Variants in CNGB3 observed in about 807,000 individuals in gnomAD.
CNGB3 encodes the protein cyclic nucleotide gated channel subunit beta 3.
In CNGB3, 86 loss-of-function variants were observed where a neutral mutation model predicts 92.8. The observed-to-expected ratio is 0.93, with a 90% confidence interval of 0.78 to 1.11. The LOEUF (loss-of-function observed/expected upper bound fraction) is 1.11. Among genes scored for constraint, CNGB3 ranks in the 50% least tolerant of loss-of-function variants. The pLI is 0.00. For synonymous variants in CNGB3, 333 were observed against 332.7 expected, an observed-to-expected ratio of 1.00 and a Z score of -0.01; for missense variants, 1,026 against 956.8, an observed-to-expected ratio of 1.07 and a Z score of -0.95.
chr8:86,722,713 G>A (rs1352011428), intron 3 of CNGB3, among the ~76,000 whole-genome samples: 2 of 152,212 alleles, frequency 1.3e-5, no homozygotes, highest in Non-Finnish European at 2.9e-5. Context: ...TCTCCTGAGA[G>A]AAAGAGGGCA....
chr8:86,724,042 G>A (rs1046213576), intron 3 of CNGB3, among the ~76,000 whole-genome samples: 37 of 152,230 alleles, frequency 2.4e-4, no homozygotes, highest in African/African-American at 8.9e-4. Context: ...ATGACCGGAG[G>A]GAGGAGGCTG....
At chr8:86,722,901 C>T (rs315960) in intron 3 of CNGB3, among the ~76,000 whole-genome samples, 135,664 of 152,178 alleles carry the variant, frequency 0.89, 60,769 homozygotes, top group East Asian at 1. Flanking sequence ...TTGGCTTTCC[C>T]GGGTCTCTAG....
chr8:86,599,622 G>A (rs1209892687), intron 15 of CNGB3, among the ~76,000 whole-genome samples: 2 of 152,158 alleles, frequency 1.3e-5, no homozygotes, highest in Non-Finnish European at 2.9e-5. Flanking sequence ...GGCCACCTTG[G>A]GGGCGGCTGT....
At chr8:86,706,358 G>A (rs1189928655) in intron 3 of CNGB3, among the ~76,000 whole-genome samples, 1 of 152,228 alleles carries the variant, frequency 6.6e-6, no homozygotes, top group Admixed American at 6.5e-5. Flanking sequence ...AACACATGTT[G>A]GTACGGTTTA....
chr8:86,682,204 C>T (rs1824095529), intron 3 of CNGB3, among the ~76,000 whole-genome samples: 1 of 152,104 alleles, frequency 6.6e-6, no homozygotes, highest in African/African-American at 2.4e-5. Flanking sequence ...ACAGGTCGGG[C>T]TGTGGGCCTA....
At chr8:86,735,162 A>ATTTTTTTT (rs1193109361) in intron 2 of CNGB3, among the ~76,000 whole-genome samples, 1 of 1,274 alleles carries the variant, frequency 7.8e-4, no homozygotes, top group African/African-American at 3.5e-3. Context: ...TTTTTTTTTG[A>ATTTTTTTT]GACAGAGTCT....
chr8:86,590,162 C>T (rs1821995355), intron 15 of CNGB3, among the ~76,000 whole-genome samples: 1 of 151,840 alleles, frequency 6.6e-6, no homozygotes, highest in South Asian at 2.1e-4. Context: ...GGATTGCAAC[C>T]CCTGCCTTTT....
intron 3 of CNGB3, among the ~76,000 whole-genome samples, chr8:86,694,569 C>T (rs2131641661): frequency 6.6e-6 from 1 of 151,700 alleles, no homozygotes; most frequent in African/African-American, 2.4e-5. Flanking sequence ...CATAGGGTCT[C>T]CTCACTTCTC....
At chr8:86,623,093 TTC>T (rs1822773305) in intron 13 of CNGB3, among the ~76,000 whole-genome samples, 2 of 152,218 alleles carry the variant, frequency 1.3e-5, no homozygotes, top group Non-Finnish European at 2.9e-5. Context: ...AGACATATCC[TTC>T]TGTCTGGATT....
At chr8:86,718,588 T>A (rs1824908583) in intron 3 of CNGB3, among the ~76,000 whole-genome samples, 1 of 152,122 alleles carries the variant, frequency 6.6e-6, no homozygotes, top group African/African-American at 2.4e-5. Context: ...CTATCAGACA[T>A]TCAAAGAAGA....
chr8:86,691,235 C>T (rs1824305521), intron 3 of CNGB3, among the ~76,000 whole-genome samples: 1 of 152,078 alleles, frequency 6.6e-6, no homozygotes. Flanking sequence ...TAATCTGAAA[C>T]TTTACTGAAT....
At chr8:86,579,015 T>C in intron 16 of CNGB3, 91 bp downstream of exon 16, 2 of 1,574,184 alleles carry the variant, frequency 1.3e-6, no homozygotes, top group South Asian at 1.1e-5. Context: ...GTGATCAAGT[T>C]TATCACAATC....
At chr8:86,653,913 T>C in intron 7 of CNGB3, 99 bp downstream of exon 7, 1 of 836,652 alleles carries the variant, frequency 1.2e-6, no homozygotes, top group South Asian at 1.4e-5. Flanking sequence ...TAATAAAACT[T>C]CGTATGTACA....
At chr8:86,585,820 CA>C (rs1690406209) in intron 15 of CNGB3, among the ~76,000 whole-genome samples, 1 of 152,056 alleles carries the variant, frequency 6.6e-6, no homozygotes, top group African/African-American at 2.4e-5. Context: ...ATAGAGCCCC[CA>C]GTAAAGGCTA....
chr8:86,720,057 T>G (rs910197771), intron 3 of CNGB3, among the ~76,000 whole-genome samples: 1 of 151,920 alleles, frequency 6.6e-6, no homozygotes, highest in Non-Finnish European at 1.5e-5. Context: ...GACAATAACA[T>G]CAGAAAAACC....
chr8:86,597,995 TAAAA>T lies in CNGB3; in HGVS notation c.1781+6094_1781+6097del, dbSNP rs1209465890. 5.9e-3 allele frequency among the ~76,000 whole-genome samples: 887 copies of T among 150,998 alleles called. 7 individuals carry two copies. The highest frequency in any genetic ancestry group is 0.02 in the African/African-American group (823 of 41,030). On this transcript the variant is annotated intron_variant, in intron 15 of 17. Transcript: ENST00000320005. The stretch of plus-strand genomic sequence containing the variant: ...TTCATCTCAAATAAATAAAATAAAA[TAAAA>T]TAAAATAAAATTAAAATAAAATAAA...
chr8:86,610,127 T>C (rs867230242), intron 14 of CNGB3, among the ~76,000 whole-genome samples: 3 of 152,204 alleles, frequency 2.0e-5, no homozygotes, highest in Non-Finnish European at 4.4e-5. Flanking sequence ...TACTGGTATA[T>C]GGCCTCCATC....
intron 3 of CNGB3, among the ~76,000 whole-genome samples, chr8:86,693,193 T>A (rs996405523): frequency 6.6e-6 from 1 of 152,152 alleles, no homozygotes; most frequent in Non-Finnish European, 1.5e-5. Flanking sequence ...GACAACCTGA[T>A]GACTGTGTGC....
Position 86,629,130 on chromosome 8 carries a change from A to T in CNGB3, c.1321-52T>A, listed in dbSNP as rs773166324. On this transcript the variant is annotated intron_variant, in intron 11 of 17. Transcript: ENST00000320005. ...CGCCCAGCAGAGGAAATGAGTTAAT[A>T]AAAGTCAAATTACATGTTTTCCACA... is the stretch of plus-strand genomic sequence containing the variant. The T allele has an allele frequency of 1.9e-6, 3 of 1,596,124 alleles. No individual in the cohort carries two copies. The Admixed American group carries it at 5.0e-5, about 27-fold the overall frequency.
Sources: allele counts gnomAD v4.1 joint callset (sites outside exome capture counted in the v4.1 genomes callset), GRCh38; gene constraint gnomAD v4.1.1; transcripts MANE v1.5; gene names NCBI Gene and HGNC (gene_info 2026-07-23, HGNC 2026-07-21).